IGSF22: variants seen among roughly 807,000 people sequenced by gnomAD.
IGSF22 encodes the protein immunoglobulin superfamily, member 22.
Under a neutral mutation model 127.0 loss-of-function variants are expected in IGSF22, and 119 were observed. That is an observed-to-expected ratio of 0.94 (90% CI 0.81 to 1.09). The LOEUF is 1.09. Ranked by LOEUF, IGSF22 falls within the 50% of genes least tolerant of loss-of-function variation. The pLI, the probability that IGSF22 is intolerant of heterozygous loss-of-function variation, is 0.00. For synonymous variants in IGSF22, 568 were observed against 664.7 expected (o/e 0.85, Z 2.24); for missense variants, 1,518 against 1,716.6 (o/e 0.88, Z 2.04).
chr11:18,714,391 C>T lies in IGSF22; in HGVS notation c.1684G>A (p.Val562Met). 6.2e-7 allele frequency: 1 copy of T among 1,614,064 alleles called. No homozygotes were observed. The highest frequency in any genetic ancestry group is 1.1e-5 in the South Asian group (1 of 91,080). Residue 562 changes from valine (V) to methionine (M), a missense_variant, in exon 13 of 23, where the codon GTG becomes ATG. By Grantham distance (21) the Val-to-Met change is conservative (BLOSUM62 1). Around this residue, in one of 3 missense-constraint regions of IGSF22, gnomAD observed 1,456 missense variants for 1,644.9 expected, o/e 0.89. Coordinates refer to ENST00000513874, the MANE Select transcript of IGSF22 (RefSeq NM_173588.4). ...EITDLPGMQI[V>M]KQGAVHKLIF... Reference sequence around the variant, plus strand: ...AGCTTGTGCACTGCACCCTGCTTCACAATCTGCATGCCTGGCAAGTCCGTG... The same window carrying T: ...AGCTTGTGCACTGCACCCTGCTTCATAATCTGCATGCCTGGCAAGTCCGTG...
chr11:18,715,659 C>T lies in IGSF22; in HGVS notation c.1304G>A (p.Arg435His), dbSNP rs369080452. ...TGTCAGCTCACACTCCAGGCATGCGCGACTCCTCTCTTTCACACGTACATT... is the reference window on the plus strand; with the variant it reads ...TGTCAGCTCACACTCCAGGCATGCGTGACTCCTCTCTTTCACACGTACATT... ...LKNVRVKERS[R>H]ACLECELTSK... The change falls in exon 11 of 23, where the codon CGC (arginine) becomes CAC (histidine). Residue 435 changes from arginine (R) to histidine (H), a missense_variant. Physicochemically the swap from Arg to His is conservative, Grantham distance 29 (BLOSUM62 0). Around this residue, in one of 3 missense-constraint regions of IGSF22, gnomAD observed 1,456 missense variants for 1,644.9 expected, o/e 0.89. Coordinates refer to ENST00000513874, the MANE Select transcript of IGSF22 (RefSeq NM_173588.4). 1.6e-5 allele frequency: 26 copies of T among 1,613,848 alleles called. No individual in the cohort carries two copies. The highest frequency in any genetic ancestry group is 9.9e-5 in the South Asian group (9 of 91,076).
intron 7 of IGSF22, 127 bp from the exon 8 acceptor site, chr11:18,718,855 G>A (rs1016050153): frequency 4.6e-6 from 3 of 657,556 alleles, no homozygotes; most frequent in Admixed American, 5.2e-5. Flanking sequence ...AGATAACAAC[G>A]TGCAGTGCTC....
In IGSF22 at chr11:18,721,826, G is replaced by A; in HGVS notation, c.241+84C>T. 5 of 1,593,408 alleles carry A rather than the reference G, an allele frequency of 3.1e-6. No individual in the cohort carries two copies. The African/African-American group carries it at 5.4e-5, about 17-fold the overall frequency. ...GGCTCTGCCAGGGTTTAGCATTGGA[G>A]GTCGTTGGGGTAGGACGGAGGGTGG... On this transcript the variant is annotated intron_variant, in intron 3 of 22. Transcript: ENST00000513874.
At chr11:18,721,723 T>C (rs1378543180) in intron 3 of IGSF22, 52 bp from the exon 4 acceptor site, 6 of 1,606,588 alleles carry the variant, frequency 3.7e-6, no homozygotes, top group Non-Finnish European at 4.3e-6. Context: ...GGCTAGAGCC[T>C]CTGCCACCCT....
intron 12 of IGSF22, 27 bp downstream of exon 12, chr11:18,714,472 AC>A: frequency 6.2e-7 from 1 of 1,613,672 alleles, no homozygotes. Flanking sequence ...TACCTCCTTC[AC>A]CCCCTTCCCT....
In IGSF22 at chr11:18,716,063, A is replaced by G. The variant is rs74776733; in HGVS notation, c.1247-347T>C. Among the ~76,000 whole-genome samples, 902 of 152,234 alleles carry G rather than the reference A, an allele frequency of 5.9e-3. 8 individuals carry two copies. Among genetic ancestry groups the G allele is most frequent in the African/African-American group, 0.021 (864 of 41,540 alleles). Reference sequence around the variant, plus strand: ...CTTTCTAATGTCTGGACATTTATACATGCTATTACCTCTGCTGGGGATGTT... The same window carrying G: ...CTTTCTAATGTCTGGACATTTATACGTGCTATTACCTCTGCTGGGGATGTT... On this transcript the variant is annotated intron_variant, in intron 10 of 22. Transcript: ENST00000513874. This position sits in a 1 kb window ranked among gnomAD's most constrained non-coding sequence, Gnocchi z 4.5.
In IGSF22 at chr11:18,719,867, T is replaced by C. The variant is rs778702030; in HGVS notation, c.545A>G (p.Gln182Arg). The change falls in exon 7 of 23, where the codon CAG (glutamine) becomes CGG (arginine). Residue 182 changes from glutamine (Q) to arginine (R), a missense_variant. By Grantham distance (43) the Gln-to-Arg change is conservative. Transcript: ENST00000513874. ...CTCTTTCTCATTTGCCACCTTCTTC[T>C]GCTTCTTCTTGGGAGCAGGGGGTGC... is the stretch of plus-strand genomic sequence containing the variant. ...KRAPPAPKKK[Q>R]KKVANEKEML... The C allele has an allele frequency of 8.1e-6, 13 of 1,614,086 alleles. No homozygotes were observed. The highest frequency in any genetic ancestry group is 1.1e-5 in the Non-Finnish European group (13 of 1,180,040).
Position 18,718,052 on chromosome 11 carries a change from G to A in IGSF22, c.852C>T (p.Tyr284=), listed in dbSNP as rs778050223. 25 of 1,614,044 alleles carry A rather than the reference G, an allele frequency of 1.5e-5. No individual in the cohort carries two copies. The African/African-American group carries it at 1.7e-4, about 11-fold the overall frequency. The part of the protein sequence containing the change: ...PLRIQYSLGK[Y]DVKQMGTKYM... ...ACTTGGTGCCCATCTGCTTCACATC[G>A]TACTTGCCCAGGGAGTACTGGATCC... is the stretch of plus-strand genomic sequence containing the variant. The change falls in exon 9 of 23, where the codon TAC becomes TAT. Residue 284 remains tyrosine, a synonymous_variant. Coordinates refer to ENST00000513874, the MANE Select transcript of IGSF22 (RefSeq NM_173588.4).
chr11:18,715,207 G>C (rs1434523828), intron 11 of IGSF22, among the ~76,000 whole-genome samples: 2 of 151,966 alleles, frequency 1.3e-5, no homozygotes, highest in African/African-American at 4.8e-5. Context: ...ATAGAGTCTG[G>C]AAGATGGGGG....
Position 18,715,672 on chromosome 11 carries a change from T to G in IGSF22, c.1291A>C (p.Lys431Gln). The G allele has an allele frequency of 3.1e-6, 5 of 1,613,578 alleles. No individual in the cohort carries two copies. Among genetic ancestry groups the G allele is most frequent in the African/African-American group, 1.3e-5 (1 of 75,040 alleles). Residue 431 changes from lysine to glutamine, a missense_variant, in exon 11 of 23, where the codon AAA becomes CAA. Transcript: ENST00000513874. The part of the protein sequence containing the change: ...FVSNLKNVRV[K>Q]ERSRACLECE... The stretch of plus-strand genomic sequence containing the variant: ...TCCAGGCATGCGCGACTCCTCTCTT[T>G]CACACGTACATTTTTGAGGTTGCTC...
chr11:18,718,430 C>T (rs1168867215), intron 8 of IGSF22, among the ~76,000 whole-genome samples, 185 bp downstream of exon 8: 1 of 152,190 alleles, frequency 6.6e-6, no homozygotes, highest in African/African-American at 2.4e-5. Flanking sequence ...GAATGTGACT[C>T]TCTTACATCA....
chr11:18,708,941 G>A (rs1848298872), intron 18 of IGSF22, among the ~76,000 whole-genome samples: 1 of 152,148 alleles, frequency 6.6e-6, no homozygotes, highest in Non-Finnish European at 1.5e-5. Context: ...CATTTCTGAC[G>A]ACTGATGGCT....
chr11:18,708,396 G>A (rs1848288733), intron 18 of IGSF22, 101 bp from the exon 19 acceptor site: 1 of 855,362 alleles, frequency 1.2e-6, no homozygotes, highest in Non-Finnish European at 1.8e-6. Context: ...CCTCCTTTAT[G>A]CCCCCACTAC....
At position 18,710,398 on chromosome 11, in the gene IGSF22, A is replaced by G. The variant is rs774475895; in HGVS notation, c.2630T>C (p.Ile877Thr). The G allele has an allele frequency of 1.2e-6, 2 of 1,614,242 alleles. No homozygotes were observed. Among genetic ancestry groups the G allele is most frequent in the Non-Finnish European group, 8.5e-7 (1 of 1,180,044 alleles). ...LEDTEYEFRVIAVNKAGPGQP... is the reference protein window; with the variant it reads ...LEDTEYEFRVTAVNKAGPGQP... ...TCCAGGGCCTGCCTTATTTACAGCT[A>G]TAACTCGGAATTCATATTCTGTGTC... Residue 877 changes from isoleucine (I) to threonine (T), a missense_variant, in exon 17 of 23, where the codon ATA (isoleucine) becomes ACA (threonine). Around this residue, in one of 3 missense-constraint regions of IGSF22, gnomAD observed 1,456 missense variants for 1,644.9 expected, o/e 0.89. Transcript: ENST00000513874.
chr11:18,716,718 A>G lies in IGSF22; in HGVS notation c.1246+10T>C. ...AAGCCCACCCCTTAGGCTCTTGCCC[A>G]ACCACTCACGGTCAACAGTGAGCTG... On this transcript the variant is annotated intron_variant, in intron 10 of 22. Transcript: ENST00000513874. The surrounding 1 kb of genome is among the most constrained non-coding windows in gnomAD (Gnocchi z 4.5). 6.2e-7 allele frequency: 1 copy of G among 1,611,554 alleles called. No individual in the cohort carries two copies. The highest frequency in any genetic ancestry group is 8.5e-7 in the Non-Finnish European group (1 of 1,177,732).
chr11:18,715,713 A>T lies in IGSF22; in HGVS notation c.1250T>A (p.Ile417Asn). 1.2e-6 allele frequency: 2 copies of T among 1,609,100 alleles called. No homozygotes were observed. Among genetic ancestry groups the T allele is most frequent in the East Asian group, 2.2e-5 (1 of 44,826 alleles). The change falls in exon 11 of 23, where the codon ATC becomes AAC. Residue 417 changes from isoleucine (I) to asparagine (N), a missense_variant. This residue lies in a region of IGSF22 where 1,456 missense variants were observed against 1,644.9 expected (regional missense o/e 0.89). Transcript: ENST00000513874. Reference protein sequence around the residue: ...VQKAQLTVDRIPIKFVSNLKN... With the variant: ...VQKAQLTVDRNPIKFVSNLKN... ...GAGGTTGCTCACAAACTTGATGGGG[A>T]TGCCTGTGGACAGACAGACACTTGG...
chr11:18,719,142 ATTTG>A (rs1015755975), intron 7 of IGSF22, among the ~76,000 whole-genome samples: 1 of 152,010 alleles, frequency 6.6e-6, no homozygotes, highest in East Asian at 1.9e-4. Context: ...TACAACTGGG[ATTTG>A]TTTGTTTGTT....
intron 4 of IGSF22, among the ~76,000 whole-genome samples, chr11:18,720,671 T>C (rs1590455126): frequency 6.6e-6 from 1 of 152,212 alleles, no homozygotes; most frequent in East Asian, 1.9e-4. Flanking sequence ...GAAGGAACAG[T>C]GGTGAGTAAG....
At position 18,705,843 on chromosome 11, in the gene IGSF22, C is replaced by A; in HGVS notation, c.3884G>T (p.Arg1295Leu). 1 of 1,549,008 alleles carries A rather than the reference C, an allele frequency of 6.5e-7. No homozygotes were observed. Among genetic ancestry groups the A allele is most frequent in the Non-Finnish European group, 8.7e-7 (1 of 1,146,166 alleles). The change falls in exon 22 of 23, where the codon CGC becomes CTC. Residue 1295 changes from arginine (R) to leucine (L), a missense_variant. This residue lies in a region of IGSF22 where 58 missense variants were observed against 53.0 expected (regional missense o/e 1.10). Transcript: ENST00000513874. ...ATAGACGGTGAGCGTGCAGCTGCTG[C>A]GGTCCTTGCCCAGCTCGTTCTCCAC... ...VLVENELGKD[R>L]SSCTLTVYDK...
Sources: allele counts gnomAD v4.1 joint callset (sites outside exome capture counted in the v4.1 genomes callset), GRCh38; gene constraint gnomAD v4.1.1; regional missense constraint gnomAD v4.1.1; non-coding constraint Gnocchi (gnomAD v3.1); transcripts MANE v1.5; gene names NCBI Gene and HGNC (gene_info 2026-07-23, HGNC 2026-07-21).